The following TIGAR variants were observed in gnomAD, a reference collection of about 807,000 sequenced individuals.
TIGAR encodes TP53 induced glycolysis regulatory phosphatase, also known as fructose-2,6-bisphosphatase TIGAR.
TIGAR carries 7 observed loss-of-function variants against 17.9 expected under a neutral mutation model. The ratio of observed to expected loss-of-function variants is 0.39; its 90% CI spans 0.22 to 0.73. The LOEUF (loss-of-function observed/expected upper bound fraction) is 0.73, where lower values mean the gene tolerates loss of function less well. Among genes scored for constraint, TIGAR ranks in the 30% least tolerant of loss-of-function variants. The pLI is 0.42. For missense variants in TIGAR, 258 were observed against 327.4 expected, an observed-to-expected ratio of 0.79 and a Z score of 1.64; for synonymous variants, 94 against 108.6, an observed-to-expected ratio of 0.87 and a Z score of 0.84.
At chr12:4,340,039 T>C (rs866145343) in intron 3 of TIGAR, among the ~76,000 whole-genome samples, 16 of 152,184 alleles carry the variant, frequency 1.1e-4, no homozygotes, top group South Asian at 2.1e-4. Context: ...ACCACTGTTA[T>C]TCAACGTAGT....
chr12:4,330,891 A>T (rs1314982612), intron 1 of TIGAR, among the ~76,000 whole-genome samples: 1 of 152,242 alleles, frequency 6.6e-6, no homozygotes, highest in African/African-American at 2.4e-5. Context: ...CATTCAGTCC[A>T]GCAATGAATA....
In TIGAR at chr12:4,337,118, G is replaced by A; in HGVS notation, c.150G>A (p.Lys50=). The part of the protein sequence containing the change: ...AAAGIFLNNV[K]FTHAFSSDLM... ...CTGGTATATTTCTGAATAATGTGAAGTTTACTCATGCTTTCTCCAGTGATC... is the reference window on the plus strand; with the variant it reads ...CTGGTATATTTCTGAATAATGTGAAATTTACTCATGCTTTCTCCAGTGATC... Residue 50 remains lysine (K), a synonymous_variant, in exon 3 of 6, where the codon AAG becomes AAA. Transcript: ENST00000179259. The A allele has an allele frequency of 6.2e-7, 1 of 1,613,520 alleles. No homozygotes were observed. The highest frequency in any genetic ancestry group is 1.1e-5 in the South Asian group (1 of 91,058).
intron 2 of TIGAR, among the ~76,000 whole-genome samples, chr12:4,331,989 T>C (rs1398620700): frequency 6.6e-6 from 1 of 152,212 alleles, no homozygotes; most frequent in African/African-American, 2.4e-5. Context: ...CTCCCTTTTA[T>C]GGACAATAAC....
chr12:4,342,870 A>C lies in TIGAR; in HGVS notation c.192+5710A>C, dbSNP rs549162506. On this transcript the variant is annotated intron_variant, in intron 3 of 5. Transcript: ENST00000179259. ...CAGCTAACATCATAATGACAGGATC[A>C]AATTCACACATAACAATATTAACCT... Among the ~76,000 whole-genome samples, 5 of 152,362 alleles carry C rather than the reference A, an allele frequency of 3.3e-5. No homozygotes were observed. In the East Asian group the frequency reaches 7.7e-4, roughly 23 times the overall value.
At chr12:4,325,353 A>G (rs1243543897) in intron 1 of TIGAR, among the ~76,000 whole-genome samples, 3 of 152,218 alleles carry the variant, frequency 2.0e-5, no homozygotes, top group African/African-American at 4.8e-5. Context: ...AGCAAGCAAA[A>G]TACTATTAGC....
At chr12:4,346,442 C>T (rs936852570) in intron 3 of TIGAR, among the ~76,000 whole-genome samples, 2 of 152,158 alleles carry the variant, frequency 1.3e-5, no homozygotes, top group Non-Finnish European at 2.9e-5. Context: ...AGGATGAGTT[C>T]ATGTCCTCTG....
chr12:4,323,066 G>C (rs946755225), intron 1 of TIGAR, among the ~76,000 whole-genome samples: 2 of 145,236 alleles, frequency 1.4e-5, no homozygotes, highest in South Asian at 2.2e-4. Context: ...AGGAGTTCAA[G>C]ACCAGCCTGG....
In TIGAR at chr12:4,337,192, G is replaced by T. The variant is rs1206201244; in HGVS notation, c.192+32G>T. 3 of 1,549,218 alleles carry T rather than the reference G, an allele frequency of 1.9e-6. No individual in the cohort carries two copies. In the African/African-American group the frequency reaches 4.1e-5, roughly 21 times the overall value. ...TTATTTATTTATTTATTTTGAGACA[G>T]AGCGTCACTCTATGCCCAGGCTGGA... On this transcript the variant is annotated intron_variant, in intron 3 of 5. Coordinates refer to ENST00000179259, the MANE Select transcript of TIGAR (RefSeq NM_020375.3).
At chr12:4,342,745 A>G (rs564187228) in intron 3 of TIGAR, among the ~76,000 whole-genome samples, 29 of 152,218 alleles carry the variant, frequency 1.9e-4, no homozygotes, top group Non-Finnish European at 3.8e-4. Flanking sequence ...AGCACTAAAC[A>G]TGGAAAGGAA....
chr12:4,352,424 A>G lies in TIGAR; in HGVS notation c.546A>G (p.Ser182=). 6.2e-7 allele frequency: 1 copy of G among 1,614,194 alleles called. No homozygotes were observed. The highest frequency in any genetic ancestry group is 8.5e-7 in the Non-Finnish European group (1 of 1,180,030). ...LGKNHSSKVN[S]DSGIPGLAAS... ...AAAATCACAGCTCTAAAGTTAATTC[A>G]GACAGCGGTATTCCAGGATTAGCAG... Residue 182 remains serine (S), a synonymous_variant, in exon 6 of 6, where the codon TCA becomes TCG. Transcript: ENST00000179259.
rs1274876133 is a variant in TIGAR at position 4,338,975 on chromosome 12, CACA to C, written c.192+1817_192+1819del. ...TGGGCAACAAAGCAAAACTTTGTCTCACAAAAAAAAAAAAAAAAAAAAAGACAG... is the reference window on the plus strand; with the variant it reads ...TGGGCAACAAAGCAAAACTTTGTCTCAAAAAAAAAAAAAAAAAAAAGACAG... On this transcript the variant is annotated intron_variant, in intron 3 of 5. Transcript: ENST00000179259. 1.7e-3 allele frequency among the ~76,000 whole-genome samples: 65 copies of C among 38,188 alleles called. 3 individuals are homozygous for C. In the South Asian group the frequency reaches 0.037, roughly 22 times the overall value. 25.1% of individuals were successfully genotyped at this position (38,188 alleles called of 152,430 possible).
chr12:4,345,480 A>G (rs1341710123), intron 3 of TIGAR, among the ~76,000 whole-genome samples: 1 of 152,238 alleles, frequency 6.6e-6, no homozygotes, highest in Non-Finnish European at 1.5e-5. Context: ...CTGAACTTTG[A>G]CAAACCTGAC....
At position 4,321,998 on chromosome 12, in the gene TIGAR, AT is replaced by A. The variant is rs111676645; in HGVS notation, c.32+708del. Among the ~76,000 whole-genome samples, 48 of 114,010 alleles carry A rather than the reference AT, an allele frequency of 4.2e-4. No homozygotes were observed. The highest frequency in any genetic ancestry group is 4.2e-4 in the Non-Finnish European group (21 of 50,346). The allele number at this position is 114,010 out of a possible 152,430, so 74.8% of individuals were successfully genotyped here. On this transcript the variant is annotated intron_variant, in intron 1 of 5. Coordinates refer to ENST00000179259, the MANE Select transcript of TIGAR (RefSeq NM_020375.3). The surrounding 1 kb of genome is among the most constrained non-coding windows in gnomAD (Gnocchi z 5.2). ...GTTAAGAGCACAGATTTTTATTTTT[AT>A]TTTTTTTTTTTTGTGAGATGGAGCC...
At position 4,356,223 on chromosome 12, in the gene TIGAR, G is replaced by A. The variant is rs911324349; in HGVS notation, c.*3532G>A. On this transcript the variant is annotated 3_prime_UTR_variant, in exon 6 of 6. Transcript: ENST00000179259. ...AGGCCAGGGATGTTGGCAGGGACCA[G>A]GCCAGAGTGCCTCCAATGGCTAACT... 2.6e-5 allele frequency among the ~76,000 whole-genome samples: 4 copies of A among 152,182 alleles called. No individual in the cohort carries two copies. Among genetic ancestry groups the A allele is most frequent in the Non-Finnish European group, 4.4e-5 (3 of 68,034 alleles).
Position 4,355,515 on chromosome 12 carries a change from CAATT to C in TIGAR, c.*2825_*2828del, listed in dbSNP as rs1864890400. The stretch of plus-strand genomic sequence containing the variant: ...TATTCTTCCATATAAATTTTGGAAT[CAATT>C]GGTCAATTTCCAGAAAAATTCTGTT... On this transcript the variant is annotated 3_prime_UTR_variant, in exon 6 of 6. Coordinates refer to ENST00000179259, the MANE Select transcript of TIGAR (RefSeq NM_020375.3). Among the ~76,000 whole-genome samples, 2 of 152,192 alleles carry C rather than the reference CAATT, an allele frequency of 1.3e-5. No individual in the cohort carries two copies. Among genetic ancestry groups the C allele is most frequent in the African/African-American group, 4.8e-5 (2 of 41,452 alleles).
At chr12:4,333,462 T>A (rs1215197611) in intron 2 of TIGAR, among the ~76,000 whole-genome samples, 1 of 151,876 alleles carries the variant, frequency 6.6e-6, no homozygotes, top group African/African-American at 2.4e-5. Flanking sequence ...GCTCATTTTT[T>A]AAATTTTTAT....
In TIGAR at chr12:4,355,455, CA is replaced by C. The variant is rs1864889826; in HGVS notation, c.*2765del. On this transcript the variant is annotated 3_prime_UTR_variant, in exon 6 of 6. Transcript: ENST00000179259. ...TAAAGGGTGGATACCTCCTCTTGTT[CA>C]TTTTTAAAGTTGTCTTAACTATTTA... Among the ~76,000 whole-genome samples, 1 of 152,136 alleles carries C rather than the reference CA, an allele frequency of 6.6e-6. No individual in the cohort carries two copies. Among genetic ancestry groups the C allele is most frequent in the Admixed American group, 6.5e-5 (1 of 15,274 alleles).
At chr12:4,327,612 T>C (rs1864559724) in intron 1 of TIGAR, among the ~76,000 whole-genome samples, 1 of 152,164 alleles carries the variant, frequency 6.6e-6, no homozygotes, top group Admixed American at 6.5e-5. Flanking sequence ...TTTGTGTGCA[T>C]ATTAAGTTAG....
rs141294652 is a variant in TIGAR, at chr12:4,356,338, CT to C, written c.*3651del. ...CATAGATCTCTCATTTTGCCTGAGT[CT>C]TTTATGCAATGATATTTTATTTGTA... On this transcript the variant is annotated 3_prime_UTR_variant, in exon 6 of 6. Coordinates refer to ENST00000179259, the MANE Select transcript of TIGAR (RefSeq NM_020375.3). Among the ~76,000 whole-genome samples, 1,022 of 152,248 alleles carry C rather than the reference CT, an allele frequency of 6.7e-3. 9 individuals are homozygous for C. The highest frequency in any genetic ancestry group is 0.024 in the African/African-American group (989 of 41,520).
Sources: allele counts gnomAD v4.1 joint callset (sites outside exome capture counted in the v4.1 genomes callset), GRCh38; gene constraint gnomAD v4.1.1; non-coding constraint Gnocchi (gnomAD v3.1); transcripts MANE v1.5; gene names NCBI Gene and HGNC (gene_info 2026-07-23, HGNC 2026-07-21).